PSMD14: variants seen among roughly 807,000 people sequenced by gnomAD.
PSMD14 encodes the protein ubiquitin C-terminal hydrolase PSMD14.
A neutral mutation model predicts 41.2 loss-of-function variants in PSMD14; 7 were observed. The observed-to-expected ratio is 0.17, with a 90% CI of 0.10 to 0.32. The LOEUF (loss-of-function observed/expected upper bound fraction) is 0.32, where lower values mean the gene tolerates loss of function less well. Among genes scored for constraint, PSMD14 ranks in the 10% least tolerant of loss-of-function variants. PSMD14 has a pLI of 1.00. For missense variants in PSMD14, 139 were observed against 375.6 expected, an observed-to-expected ratio of 0.37 and a Z score of 5.21; for synonymous variants, 114 against 122.3, an observed-to-expected ratio of 0.93 and a Z score of 0.45.
chr2:161,395,643 A>G (rs181773066), intron 10 of PSMD14, among the ~76,000 whole-genome samples: 1 of 152,316 alleles, frequency 6.6e-6, no homozygotes, highest in East Asian at 1.9e-4. Flanking sequence ...ATAATTATTT[A>G]TTGAAAATCT....
At chr2:161,391,797 C>T (rs1017527351) in intron 9 of PSMD14, among the ~76,000 whole-genome samples, 1 of 152,010 alleles carries the variant, frequency 6.6e-6, no homozygotes, top group Non-Finnish European at 1.5e-5. Flanking sequence ...CGGAGTCTTG[C>T]TTTGTTGCTC....
At chr2:161,335,231 TAGA>T (rs1178996272) in intron 3 of PSMD14, among the ~76,000 whole-genome samples, 2 of 152,244 alleles carry the variant, frequency 1.3e-5, no homozygotes, top group African/African-American at 4.8e-5. Flanking sequence ...TTCCCTTCTT[TAGA>T]GACAACCTCT....
At chr2:161,348,699 A>G (rs924571227) in intron 3 of PSMD14, among the ~76,000 whole-genome samples, 1 of 152,224 alleles carries the variant, frequency 6.6e-6, no homozygotes. Context: ...AAAGAAATGC[A>G]CGATCACTAA....
intron 10 of PSMD14, 159 bp from the exon 11 acceptor site, chr2:161,408,678 G>T (rs12471336): frequency 0.075 from 42,093 of 560,744 alleles, 1,877 homozygotes; most frequent in East Asian, 0.12. Context: ...TGCCCTGAAG[G>T]TTATTCTGAA....
At chr2:161,402,340 T>C (rs1683891581) in intron 10 of PSMD14, among the ~76,000 whole-genome samples, 1 of 152,174 alleles carries the variant, frequency 6.6e-6, no homozygotes, top group East Asian at 1.9e-4. Flanking sequence ...AAAGGTCTAA[T>C]ATCTAGAAAA....
intron 10 of PSMD14, among the ~76,000 whole-genome samples, chr2:161,395,910 A>G (rs10490568): frequency 0.066 from 9,999 of 152,278 alleles, 445 homozygotes; most frequent in East Asian, 0.15. Context: ...CTTCATATTC[A>G]GATTGTCCAC....
intron 1 of PSMD14, among the ~76,000 whole-genome samples, chr2:161,310,587 G>GATA (rs1261843721): frequency 6.6e-6 from 1 of 152,142 alleles, no homozygotes; most frequent in East Asian, 1.9e-4. Context: ...GTTCTAAAAT[G>GATA]ATAATAATAA....
At chr2:161,316,045 T>G (rs996035579) in intron 1 of PSMD14, among the ~76,000 whole-genome samples, 3 of 152,162 alleles carry the variant, frequency 2.0e-5, no homozygotes, top group Non-Finnish European at 4.4e-5. Flanking sequence ...TGTTTCACCA[T>G]GTTAGCCAGG....
chr2:161,361,050 T>C (rs1403061162), intron 3 of PSMD14, among the ~76,000 whole-genome samples: 8 of 152,218 alleles, frequency 5.3e-5, no homozygotes, highest in African/African-American at 1.9e-4. Flanking sequence ...ATTTGTTCAG[T>C]TGAGTTTCTA....
chr2:161,343,978 A>C (rs1683004932), intron 3 of PSMD14, among the ~76,000 whole-genome samples: 1 of 152,186 alleles, frequency 6.6e-6, no homozygotes, highest in Non-Finnish European at 1.5e-5. Context: ...TTATTCCCAA[A>C]ACAATATAAT....
At chr2:161,361,079 A>T (rs941757736) in intron 3 of PSMD14, among the ~76,000 whole-genome samples, 3 of 152,148 alleles carry the variant, frequency 2.0e-5, no homozygotes, top group African/African-American at 7.2e-5. Context: ...GTGCTTCTTC[A>T]CCCAGATCAA....
At chr2:161,329,400 C>T (rs1161962183) in intron 3 of PSMD14, among the ~76,000 whole-genome samples, 2 of 152,054 alleles carry the variant, frequency 1.3e-5, no homozygotes, top group Admixed American at 1.3e-4. Flanking sequence ...TGCAAATGAG[C>T]AGACCTTTAC....
intron 9 of PSMD14, among the ~76,000 whole-genome samples, chr2:161,393,465 A>AT (rs770905107): frequency 6.6e-6 from 1 of 152,164 alleles, no homozygotes; most frequent in Non-Finnish European, 1.5e-5. Flanking sequence ...AAGGAAGGGA[A>AT]TGGAGGAGTT....
At chr2:161,326,233 G>A (rs1002599387) in intron 3 of PSMD14, among the ~76,000 whole-genome samples, 1 of 152,086 alleles carries the variant, frequency 6.6e-6, no homozygotes, top group African/African-American at 2.4e-5. Context: ...GTTTCACCAT[G>A]TTGGCCGGGC....
rs751670681 is a variant in PSMD14, at chr2:161,367,916, A to G, written c.240+13A>G. The G allele has an allele frequency of 9.3e-6, 15 of 1,608,504 alleles. No individual in the cohort carries two copies. The highest frequency in any genetic ancestry group is 2.7e-5 in the African/African-American group (2 of 74,762). On this transcript the variant is annotated intron_variant, in intron 5 of 11. Transcript: ENST00000409682. Reference sequence around the variant, plus strand: ...ACAGTCAGGAACAGTGAGTACTTTTATGGTTGCCTGCTGCAAGTAAATGTG... The same window carrying G: ...ACAGTCAGGAACAGTGAGTACTTTTGTGGTTGCCTGCTGCAAGTAAATGTG...
intron 3 of PSMD14, among the ~76,000 whole-genome samples, chr2:161,358,861 A>T (rs993990141): frequency 1.3e-5 from 2 of 152,172 alleles, no homozygotes; most frequent in African/African-American, 4.8e-5. Flanking sequence ...GAGTCACTTC[A>T]ATATCTTTAT....
intron 3 of PSMD14, among the ~76,000 whole-genome samples, chr2:161,357,165 G>GA (rs576176358): frequency 0.014 from 1,860 of 136,836 alleles, 52 homozygotes; most frequent in African/African-American, 0.048. Context: ...CTTCTAAATG[G>GA]AAAAAAAAAA....
chr2:161,387,510 T>G (rs1683648828), intron 8 of PSMD14, among the ~76,000 whole-genome samples: 1 of 152,092 alleles, frequency 6.6e-6, no homozygotes, highest in South Asian at 2.1e-4. Flanking sequence ...CACTAATGAT[T>G]TTCTAACAGA....
At chr2:161,388,998 A>G (rs757469128) in intron 8 of PSMD14, among the ~76,000 whole-genome samples, 16 of 152,276 alleles carry the variant, frequency 1.1e-4, no homozygotes, top group Admixed American at 2.6e-4. Flanking sequence ...TGAGGATATC[A>G]TTTGATTTAA....
Sources: gnomAD v4.1 joint callset for allele counts (sites outside exome capture counted in the v4.1 genomes callset) on GRCh38, gnomAD v4.1.1 for gene constraint, MANE v1.5 for transcripts, NCBI Gene and HGNC (gene_info 2026-07-23, HGNC 2026-07-21) for gene names.